The following WDR17 variants were observed in gnomAD, a reference collection of about 807,000 sequenced individuals.
WDR17 encodes the protein WD repeat-containing protein 17.
A neutral mutation model predicts 161.7 loss-of-function variants in WDR17; 143 were observed. That is an observed-to-expected ratio of 0.88 (90% confidence interval 0.77 to 1.02). The LOEUF (loss-of-function observed/expected upper bound fraction) is 1.02, where lower values mean the gene tolerates loss of function less well. Among genes scored for constraint, WDR17 ranks in the 50% least tolerant of loss-of-function variants. WDR17 has a pLI of 0.00. For missense variants in WDR17, 1,469 were observed against 1,520.9 expected (o/e 0.97, Z 0.57); for synonymous variants, 517 against 515.6 (o/e 1.00, Z -0.04).
At chr4:176,107,756 T>C (rs1738986677) in intron 1 of WDR17, among the ~76,000 whole-genome samples, 1 of 152,136 alleles carries the variant, frequency 6.6e-6, no homozygotes, top group East Asian at 1.9e-4. Flanking sequence ...TGTTAATCCC[T>C]TAACAGATAT....
intron 25 of WDR17, 50 bp downstream of exon 25, chr4:176,173,419 A>T: frequency 8.7e-6 from 11 of 1,266,772 alleles, no homozygotes; most frequent in Non-Finnish European, 1.2e-5. Context: ...TGATAATTTT[A>T]AAGTGGCTCC....
At chr4:176,124,982 A>C (rs890396577) in intron 4 of WDR17, 122 bp from the exon 5 acceptor site, 1 of 1,124,234 alleles carries the variant, frequency 8.9e-7, no homozygotes, top group East Asian at 2.5e-5. Flanking sequence ...GCATATAAGC[A>C]CCACATTTGT....
intron 1 of WDR17, among the ~76,000 whole-genome samples, chr4:176,107,912 CT>C (rs1256072465): frequency 7.3e-6 from 1 of 137,526 alleles, no homozygotes; most frequent in East Asian, 2.2e-4. Flanking sequence ...TCCTTCCTTC[CT>C]TTTTTCTTCC....
chr4:176,111,486 G>T, intron 1 of WDR17, 89 bp from the exon 2 acceptor site: 1 of 1,421,482 alleles, frequency 7.0e-7, no homozygotes, highest in Non-Finnish European at 9.4e-7. Context: ...AGGGCACACA[G>T]GTAAGGGTTG....
chr4:176,068,142 T>C (rs1732754708), intron 1 of WDR17: 1 of 152,334 alleles, frequency 6.6e-6, no homozygotes, highest in African/African-American at 2.4e-5. Context: ...TAATTATGTA[T>C]ATGGAAGCAT....
In WDR17 at chr4:176,107,325, G is replaced by A. The variant is rs963186205; in HGVS notation, c.-6-4250G>A. ...GAGGATGAGTTAGCCAAACACTTGTGCCCTGTTGTAATGTAAAATGGAATT... is the reference window on the plus strand; with the variant it reads ...GAGGATGAGTTAGCCAAACACTTGTACCCTGTTGTAATGTAAAATGGAATT... On this transcript the variant is annotated intron_variant, in intron 1 of 28. Coordinates refer to ENST00000508596, the MANE Select transcript of WDR17 (RefSeq NM_181265.4). 2.6e-5 allele frequency among the ~76,000 whole-genome samples: 4 copies of A among 151,218 alleles called. No individual in the cohort carries two copies. The East Asian group carries it at 7.7e-4, about 29-fold the overall frequency.
intron 28 of WDR17, 47 bp downstream of exon 28, chr4:176,177,701 T>C: frequency 2.0e-6 from 3 of 1,520,752 alleles, no homozygotes; most frequent in Non-Finnish European, 1.8e-6. Context: ...CCATTTTACA[T>C]GTTTACTTTT....
chr4:176,117,343 C>T (rs1740805541), intron 3 of WDR17, among the ~76,000 whole-genome samples: 1 of 151,956 alleles, frequency 6.6e-6, no homozygotes, highest in African/African-American at 2.4e-5. Flanking sequence ...TACTTTAAAT[C>T]CAGCTTTGTG....
intron 21 of WDR17, among the ~76,000 whole-genome samples, chr4:176,162,635 A>T (rs1186033574): frequency 2.0e-5 from 3 of 152,214 alleles, no homozygotes; most frequent in Non-Finnish European, 4.4e-5. Context: ...ATAAGAAAAA[A>T]TACAAATGAA....
At chr4:176,089,990 T>G (rs566177584) in intron 1 of WDR17, among the ~76,000 whole-genome samples, 533 of 152,248 alleles carry the variant, frequency 3.5e-3, no homozygotes, top group African/African-American at 0.012. Flanking sequence ...GCCTGGTCAT[T>G]ATTTTATTAA....
intron 7 of WDR17, among the ~76,000 whole-genome samples, chr4:176,132,412 C>T (rs1743612330): frequency 6.6e-6 from 1 of 151,976 alleles, no homozygotes; most frequent in African/African-American, 2.4e-5. Flanking sequence ...TTTAGAGTTT[C>T]TAAAAATGTC....
At chr4:176,175,733 A>AT (rs1395110236) in intron 26 of WDR17, among the ~76,000 whole-genome samples, 1 of 147,296 alleles carries the variant, frequency 6.8e-6, no homozygotes, top group African/African-American at 2.7e-5. Flanking sequence ...AATTTTTTGT[A>AT]TTTTTCTAGT....
chr4:176,072,204 A>G (rs1370480442), intron 1 of WDR17, among the ~76,000 whole-genome samples: 1 of 152,264 alleles, frequency 6.6e-6, no homozygotes. Flanking sequence ...ATGCTCAGGT[A>G]AACTCAAGCA....
intron 1 of WDR17, among the ~76,000 whole-genome samples, chr4:176,108,938 C>T (rs995852985): frequency 2.6e-5 from 4 of 152,008 alleles, no homozygotes; most frequent in African/African-American, 7.2e-5. Flanking sequence ...TACAGGCACG[C>T]GCCACCACCC....
At chr4:176,100,433 G>C (rs1737634315) in intron 1 of WDR17, among the ~76,000 whole-genome samples, 1 of 151,940 alleles carries the variant, frequency 6.6e-6, no homozygotes, top group Non-Finnish European at 1.5e-5. Context: ...GGGATTATTT[G>C]TATTTTTGTT....
chr4:176,128,984 G>A, intron 6 of WDR17, 124 bp downstream of exon 6: 2 of 781,726 alleles, frequency 2.6e-6, no homozygotes, highest in Non-Finnish European at 3.7e-6. Flanking sequence ...AAAAGGCTTT[G>A]ACAATATATG....
intron 23 of WDR17, among the ~76,000 whole-genome samples, chr4:176,171,312 TTTC>T (rs1268775577): frequency 2.6e-5 from 4 of 152,190 alleles, no homozygotes; most frequent in African/African-American, 7.2e-5. Context: ...ATGGGAGTGA[TTTC>T]TTATTTCCTC....
At chr4:176,117,576 C>T (rs964641333) in intron 3 of WDR17, among the ~76,000 whole-genome samples, 1 of 152,018 alleles carries the variant, frequency 6.6e-6, no homozygotes, top group African/African-American at 2.4e-5. Context: ...TATCATCAGA[C>T]ACTATATACA....
chr4:176,157,735 G>A (rs1485451506), intron 18 of WDR17, among the ~76,000 whole-genome samples: 1 of 152,288 alleles, frequency 6.6e-6, no homozygotes, highest in African/African-American at 2.4e-5. Context: ...TGTGATTATT[G>A]ACATATTTTA....
Sources: gnomAD v4.1 joint callset for allele counts (sites outside exome capture counted in the v4.1 genomes callset) on GRCh38, gnomAD v4.1.1 for gene constraint, MANE v1.5 for transcripts, NCBI Gene and HGNC (gene_info 2026-07-23, HGNC 2026-07-21) for gene names.